The following NDUFAF2 variants were observed in gnomAD, a reference collection of about 807,000 sequenced individuals.
NDUFAF2 encodes NADH dehydrogenase [ubiquinone] 1 alpha subcomplex assembly factor 2.
A neutral mutation model predicts 22.8 loss-of-function variants in NDUFAF2; 13 were observed. The observed-to-expected ratio is 0.57, with a 90% CI of 0.37 to 0.91. The LOEUF is 0.91. Among genes scored for constraint, NDUFAF2 ranks in the 40% least tolerant of loss-of-function variants. NDUFAF2 has a pLI of 0.01. For synonymous variants in NDUFAF2, 53 were observed against 64.2 expected, an observed-to-expected ratio of 0.83 and a Z score of 0.84; for missense variants, 162 against 195.2, an observed-to-expected ratio of 0.83 and a Z score of 1.01.
At chr5:61,136,632 A>G (rs1039875930) in intron 3 of NDUFAF2, among the ~76,000 whole-genome samples, 3 of 152,188 alleles carry the variant, frequency 2.0e-5, no homozygotes, top group Non-Finnish European at 4.4e-5. Context: ...TTTGGATACA[A>G]GTAACTTATT....
intron 1 of NDUFAF2, among the ~76,000 whole-genome samples, chr5:60,961,744 C>A (rs1302185134): frequency 2.2e-5 from 3 of 139,246 alleles, no homozygotes; most frequent in Non-Finnish European, 4.6e-5. Context: ...CTAGCCTGGG[C>A]AACAGAAGGA....
At chr5:61,048,769 T>C (rs1354867623) in intron 1 of NDUFAF2, among the ~76,000 whole-genome samples, 1 of 152,164 alleles carries the variant, frequency 6.6e-6, no homozygotes, top group Non-Finnish European at 1.5e-5. Context: ...CTCTATGACT[T>C]AGATGTTACT....
At chr5:61,005,843 G>T (rs1751359503) in intron 1 of NDUFAF2, among the ~76,000 whole-genome samples, 1 of 151,968 alleles carries the variant, frequency 6.6e-6, no homozygotes, top group African/African-American at 2.4e-5. Context: ...GGATATTAGT[G>T]CTTTGTGAGA....
intron 3 of NDUFAF2, among the ~76,000 whole-genome samples, chr5:61,100,628 C>T (rs1752694342): frequency 6.6e-6 from 1 of 151,954 alleles, no homozygotes. Flanking sequence ...AGCAAATTAC[C>T]ATTCACCATT....
intron 1 of NDUFAF2, among the ~76,000 whole-genome samples, chr5:60,950,755 T>C (rs1040840762): frequency 3.3e-5 from 5 of 151,600 alleles, no homozygotes; most frequent in African/African-American, 1.2e-4. Context: ...TACAGAAAAA[T>C]TGAATGGAAA....
At chr5:61,108,375 T>G (rs1355078661) in intron 3 of NDUFAF2, among the ~76,000 whole-genome samples, 2 of 150,872 alleles carry the variant, frequency 1.3e-5, no homozygotes, top group Non-Finnish European at 1.5e-5. Context: ...GTTTCCTGAC[T>G]TTTTAATGAT....
chr5:61,054,578 T>G (rs1318559995), intron 1 of NDUFAF2, among the ~76,000 whole-genome samples: 3 of 152,164 alleles, frequency 2.0e-5, no homozygotes, highest in African/African-American at 4.8e-5. Context: ...TTTCTAGAAC[T>G]GAGATACAGG....
In NDUFAF2 at chr5:61,070,007, A is replaced by G. The variant is rs181246988; in HGVS notation, c.128-3118A>G. Among the ~76,000 whole-genome samples the G allele has an allele frequency of 3.3e-3, 495 of 152,148 alleles. 1 individual carries two copies. Among genetic ancestry groups the G allele is most frequent in the Non-Finnish European group, 4.5e-3 (303 of 67,988 alleles). ...AAACCCTGTGTTTCAATTAAATATA[A>G]TATTGTTTAGTATTAAATAAAACAA... is the stretch of plus-strand genomic sequence containing the variant. On this transcript the variant is annotated intron_variant, in intron 1 of 3. Transcript: ENST00000296597.
At chr5:60,975,675 C>T (rs1416699836) in intron 1 of NDUFAF2, among the ~76,000 whole-genome samples, 2 of 152,154 alleles carry the variant, frequency 1.3e-5, no homozygotes, top group Non-Finnish European at 2.9e-5. Context: ...GAGAAGGAAT[C>T]AGCAAGGGGT....
chr5:60,966,826 A>G (rs1750763865), intron 1 of NDUFAF2, among the ~76,000 whole-genome samples: 1 of 152,016 alleles, frequency 6.6e-6, no homozygotes, highest in African/African-American at 2.4e-5. Flanking sequence ...GGCTATTTAG[A>G]GTCTTTGGTG....
At chr5:61,043,701 GTA>G (rs1441054351) in intron 1 of NDUFAF2, among the ~76,000 whole-genome samples, 7,261 of 144,572 alleles carry the variant, frequency 0.05, 469 homozygotes, top group African/African-American at 0.17. Flanking sequence ...GTGTGTGTGT[GTA>G]TGTGTGTGTG....
chr5:61,067,420 T>C (rs1443101463), intron 1 of NDUFAF2, among the ~76,000 whole-genome samples: 2 of 151,958 alleles, frequency 1.3e-5, no homozygotes, highest in African/African-American at 4.8e-5. Context: ...TTTGGTTTTT[T>C]GTCCTTGCGA....
At chr5:60,960,596 G>A (rs563750432) in intron 1 of NDUFAF2, among the ~76,000 whole-genome samples, 8 of 152,252 alleles carry the variant, frequency 5.3e-5, no homozygotes, top group African/African-American at 1.9e-4. Context: ...GAGTTGACAA[G>A]GTTGCTTTTG....
intron 1 of NDUFAF2, among the ~76,000 whole-genome samples, chr5:60,986,223 G>C (rs1488390549): frequency 1.3e-5 from 2 of 152,188 alleles, no homozygotes; most frequent in Admixed American, 6.5e-5. Flanking sequence ...ATTCACAATA[G>C]CTAAGATTTG....
chr5:61,016,069 C>A (rs1305014670), intron 1 of NDUFAF2, among the ~76,000 whole-genome samples: 3 of 152,030 alleles, frequency 2.0e-5, no homozygotes, highest in Non-Finnish European at 4.4e-5. Context: ...GCCTTCAATC[C>A]CAGCTACTCA....
intron 1 of NDUFAF2, among the ~76,000 whole-genome samples, chr5:61,015,713 G>A (rs1160303131): frequency 6.6e-6 from 1 of 152,108 alleles, no homozygotes; most frequent in Non-Finnish European, 1.5e-5. Context: ...TGTCAGAATA[G>A]CAATCAGTAC....
chr5:60,962,113 G>A (rs1482438239), intron 1 of NDUFAF2, among the ~76,000 whole-genome samples: 1 of 151,138 alleles, frequency 6.6e-6, no homozygotes, highest in Admixed American at 6.6e-5. Context: ...TATATACTTC[G>A]TGATTACCAC....
At chr5:61,025,478 C>T (rs531671643) in intron 1 of NDUFAF2, among the ~76,000 whole-genome samples, 23 of 151,922 alleles carry the variant, frequency 1.5e-4, no homozygotes, top group Middle Eastern at 6.8e-3. Context: ...AACATTTTTG[C>T]TTATTTAGTT....
rs1752246730 is a variant in NDUFAF2, at chr5:61,067,581, C to T, written c.128-5544C>T. Among the ~76,000 whole-genome samples, 3 of 152,054 alleles carry T rather than the reference C, an allele frequency of 2.0e-5. No homozygotes were observed. In the South Asian group the frequency reaches 6.2e-4, roughly 32 times the overall value. On this transcript the variant is annotated intron_variant, in intron 1 of 3. Coordinates refer to ENST00000296597, the MANE Select transcript of NDUFAF2 (RefSeq NM_174889.5). ...TCATTGATGGATATTTGGGTTGGTT[C>T]CAAGTCTTTGCTATTGTGAGTAGTG...
Sources: gnomAD v4.1 joint callset for allele counts (sites outside exome capture counted in the v4.1 genomes callset) on GRCh38, gnomAD v4.1.1 for gene constraint, MANE v1.5 for transcripts, NCBI Gene and HGNC (gene_info 2026-07-23, HGNC 2026-07-21) for gene names.